NEMP2: variants seen among roughly 807,000 people sequenced by gnomAD.
The protein encoded by NEMP2 is nuclear envelope integral membrane protein 2.
In NEMP2, 53 loss-of-function variants were observed where a neutral mutation model predicts 54.2. The ratio of observed to expected loss-of-function variants is 0.98; its 90% CI spans 0.78 to 1.23. NEMP2 has a LOEUF of 1.23. NEMP2 is among the 50% of genes most tolerant of loss of function. The probability of loss-of-function intolerance (pLI) is 0.00; values close to 1 mark genes in which losing one functional copy is unlikely to be tolerated. For synonymous variants in NEMP2, 197 were observed against 190.3 expected (o/e 1.04, Z -0.29); for missense variants, 455 against 511.3 (o/e 0.89, Z 1.06).
chr2:190,621,413 T>C, the NEMP2 span, among the ~76,000 whole-genome samples: 1 of 152,226 alleles, frequency 6.6e-6, no homozygotes, highest in East Asian at 1.9e-4. Context: ...TATAATCTTA[T>C]GGGATCACCA....
the NEMP2 span, among the ~76,000 whole-genome samples, chr2:190,629,408 T>C: frequency 1.3e-5 from 2 of 152,212 alleles, no homozygotes; most frequent in African/African-American, 4.8e-5. Context: ...AAGATATCAG[T>C]TTGTAAGGAG....
the NEMP2 span, among the ~76,000 whole-genome samples, chr2:190,447,868 C>A: frequency 6.6e-6 from 1 of 152,268 alleles, no homozygotes; most frequent in East Asian, 1.9e-4. The surrounding 1 kb of genome is among the most constrained non-coding windows in gnomAD (Gnocchi z 4.5). Context: ...AAAAGAACAT[C>A]TTTGCAAAGA....
chr2:190,459,047 C>A, the NEMP2 span, among the ~76,000 whole-genome samples: 1 of 152,208 alleles, frequency 6.6e-6, no homozygotes, highest in African/African-American at 2.4e-5. This position sits in a 1 kb window ranked among gnomAD's most constrained non-coding sequence, Gnocchi z 5.3. Flanking sequence ...AGTAGAAAAG[C>A]CCTTCCCATC....
the NEMP2 span, among the ~76,000 whole-genome samples, chr2:190,480,246 T>C: frequency 6.6e-6 from 1 of 152,214 alleles, no homozygotes; most frequent in African/African-American, 2.4e-5. Flanking sequence ...TTTTATTGTC[T>C]AACTTAGTTT....
At chr2:190,534,299 G>T in intron 1 of NEMP2, 1 of 1,174,878 alleles carries the variant, frequency 8.5e-7, no homozygotes, top group Non-Finnish European at 1.1e-6. Flanking sequence ...TAAAACGAGG[G>T]AATTGGGCGA....
upstream of NEMP2, among the ~76,000 whole-genome samples, chr2:190,539,262 CAT>C (rs1292484125): frequency 6.6e-6 from 1 of 152,118 alleles, no homozygotes; most frequent in Non-Finnish European, 1.5e-5. This position sits in a 1 kb window ranked among gnomAD's most constrained non-coding sequence, Gnocchi z 4.1. Context: ...TGGCTCTAAA[CAT>C]GTGGATTTAT....
the NEMP2 span, among the ~76,000 whole-genome samples, chr2:190,445,171 A>C: frequency 6.6e-6 from 1 of 152,118 alleles, no homozygotes; most frequent in Non-Finnish European, 1.5e-5. Flanking sequence ...TCATCTGTAA[A>C]TCTGGGGATA....
chr2:190,477,346 T>C, the NEMP2 span: 2 of 984,086 alleles, frequency 2.0e-6, no homozygotes, highest in Admixed American at 1.2e-4. Flanking sequence ...TTTATTGGTA[T>C]GCTACAGTGT....
chr2:190,469,698 G>A, the NEMP2 span: 432,143 of 970,232 alleles, frequency 0.45, 99,246 homozygotes, highest in Admixed American at 0.62. This position sits in a 1 kb window ranked among gnomAD's most constrained non-coding sequence, Gnocchi z 5.3. Context: ...GTATATTAGG[G>A]ACTCAGTTTA....
chr2:190,559,795 GC>G, the NEMP2 span, among the ~76,000 whole-genome samples: 3 of 152,164 alleles, frequency 2.0e-5, no homozygotes, highest in East Asian at 5.8e-4. This position sits in a 1 kb window ranked among gnomAD's most constrained non-coding sequence, Gnocchi z 4.0. Flanking sequence ...GAGTATCCTG[GC>G]CCCTGGCAGC....
the NEMP2 span, among the ~76,000 whole-genome samples, chr2:190,571,063 C>T: frequency 6.6e-6 from 1 of 152,140 alleles, no homozygotes; most frequent in African/African-American, 2.4e-5. Flanking sequence ...TGGCTTCCAT[C>T]CATTAGCTGT....
chr2:190,469,813 C>T, the NEMP2 span: 1 of 1,608,958 alleles, frequency 6.2e-7, no homozygotes, highest in Admixed American at 1.7e-5. The surrounding 1 kb of genome is among the most constrained non-coding windows in gnomAD (Gnocchi z 5.3). Context: ...TATTTCCTAC[C>T]TGGAGAATGC....
chr2:190,554,046 C>A, the NEMP2 span, among the ~76,000 whole-genome samples: 2 of 152,138 alleles, frequency 1.3e-5, no homozygotes, highest in African/African-American at 4.8e-5. The surrounding 1 kb of genome is among the most constrained non-coding windows in gnomAD (Gnocchi z 5.7). Flanking sequence ...TCGCCTCATC[C>A]GGGAAGCACA....
At chr2:190,610,637 T>G in the NEMP2 span, 6 of 152,240 alleles carry the variant, frequency 3.9e-5, no homozygotes, top group Non-Finnish European at 7.3e-5. The surrounding 1 kb of genome is among the most constrained non-coding windows in gnomAD (Gnocchi z 5.4). Context: ...GAAAACAGAT[T>G]CTTGTTGCAC....
At chr2:190,462,704 G>C in the NEMP2 span, among the ~76,000 whole-genome samples, 1 of 152,132 alleles carries the variant, frequency 6.6e-6, no homozygotes, top group Non-Finnish European at 1.5e-5. This position sits in a 1 kb window ranked among gnomAD's most constrained non-coding sequence, Gnocchi z 5.7. Flanking sequence ...TTCTTGGAAG[G>C]GATGATTCCT....
the NEMP2 span, among the ~76,000 whole-genome samples, chr2:190,604,515 T>C: frequency 6.6e-6 from 1 of 152,306 alleles, no homozygotes; most frequent in South Asian, 2.1e-4. This position sits in a 1 kb window ranked among gnomAD's most constrained non-coding sequence, Gnocchi z 4.5. Context: ...CCAGTGCCGT[T>C]GGGAGTTTGC....
chr2:190,550,161 C>A, the NEMP2 span, among the ~76,000 whole-genome samples: 1 of 152,108 alleles, frequency 6.6e-6, no homozygotes, highest in Admixed American at 6.5e-5. This position sits in a 1 kb window ranked among gnomAD's most constrained non-coding sequence, Gnocchi z 4.7. Context: ...GGTGCTATAA[C>A]AAAATACTAT....
At chr2:190,503,339 G>C (rs1690098429), downstream of NEMP2, among the ~76,000 whole-genome samples, 1 of 152,232 alleles carries the variant, frequency 6.6e-6, no homozygotes, top group South Asian at 2.1e-4. This position sits in a 1 kb window ranked among gnomAD's most constrained non-coding sequence, Gnocchi z 6.3. Context: ...AAGATGGGAA[G>C]TTCTCTATTT....
the NEMP2 span, among the ~76,000 whole-genome samples, chr2:190,566,720 AAG>A: frequency 2.3e-4 from 34 of 145,198 alleles, no homozygotes; most frequent in Non-Finnish European, 3.8e-4. Flanking sequence ...GAAGAAAAGA[AAG>A]AAAGAAGGAA....
Sources: allele counts gnomAD v4.1 joint callset (sites outside exome capture counted in the v4.1 genomes callset), GRCh38; gene constraint gnomAD v4.1.1; non-coding constraint Gnocchi (gnomAD v3.1); transcripts MANE v1.5; gene names NCBI Gene and HGNC (gene_info 2026-07-23, HGNC 2026-07-21).